The following PAIP1 variants were observed in gnomAD, a reference collection of about 807,000 sequenced individuals.
PAIP1 encodes polyadenylate-binding protein-interacting protein 1.
In PAIP1, 16 loss-of-function variants were observed where a neutral mutation model predicts 61.3. The observed-to-expected ratio is 0.26, with a 90% CI of 0.18 to 0.40. The LOEUF is 0.40. Among genes scored for constraint, PAIP1 ranks in the 10% least tolerant of loss-of-function variants. The pLI is 1.00. For missense variants in PAIP1, 416 were observed against 600.9 expected (o/e 0.69, Z 3.22); for synonymous variants, 187 against 226.2 (o/e 0.83, Z 1.56).
intron 5 of PAIP1, among the ~76,000 whole-genome samples, chr5:43,538,628 A>C (rs1044918348): frequency 2.0e-5 from 3 of 152,234 alleles, no homozygotes; most frequent in African/African-American, 7.2e-5. Flanking sequence ...AGAACTCAAA[A>C]AGGTATCACT....
rs1337667356 is a variant in PAIP1 at position 43,526,490 on chromosome 5, ATTAT to A, written c.*882_*885del. 5 of 151,910 alleles carry A rather than the reference ATTAT, an allele frequency of 3.3e-5. No homozygotes were observed. The highest frequency in any genetic ancestry group is 7.4e-5 in the Non-Finnish European group (5 of 67,898). 9.4% of individuals were successfully genotyped at this position (151,910 alleles called of 1,614,324 possible). A position where few individuals can be genotyped will look rare whatever the true frequency, so the allele number is the denominator to read the frequency against. On this transcript the variant is annotated 3_prime_UTR_variant, in exon 11 of 11. Coordinates refer to ENST00000306846, the MANE Select transcript of PAIP1 (RefSeq NM_006451.5). ...AAAAGATTTGACATTAGGTAAAAATATTATTTATTAGGGCTGAGGTGGTACCACA... is the reference window on the plus strand; with the variant it reads ...AAAAGATTTGACATTAGGTAAAAATATTATTAGGGCTGAGGTGGTACCACA...
rs1229687454 is a variant in PAIP1, at chr5:43,556,875, G to A, written c.-29C>T. On this transcript the variant is annotated 5_prime_UTR_variant, in exon 1 of 11. Transcript: ENST00000306846. Reference sequence around the variant, plus strand: ...CCTCCTCCTCCGCCTCCTCCTCCAGGGGCCGCTGCCGCTGCGCTCGCGATA... The same window carrying A: ...CCTCCTCCTCCGCCTCCTCCTCCAGAGGCCGCTGCCGCTGCGCTCGCGATA... The A allele has an allele frequency of 3.6e-6, 5 of 1,386,186 alleles. No individual in the cohort carries two copies. The highest frequency in any genetic ancestry group is 1.5e-5 in the African/African-American group (1 of 65,484). 85.9% of individuals were successfully genotyped at this position (1,386,186 alleles called of 1,614,324 possible). A position where few individuals can be genotyped will look rare whatever the true frequency, so the allele number is the denominator to read the frequency against.
At position 43,549,048 on chromosome 5, in the gene PAIP1, C is replaced by T. The variant is rs189270250; in HGVS notation, c.436-1135G>A. Among the ~76,000 whole-genome samples, 1,330 of 152,250 alleles carry T rather than the reference C, an allele frequency of 8.7e-3. 15 individuals are homozygous for T. The highest frequency in any genetic ancestry group is 0.03 in the African/African-American group (1,255 of 41,526). ...CTCCGCCTCCCGGGTTCAAGCTATT[C>T]CTGTACCTCAGCCTCTCAAGTAGCT... On this transcript the variant is annotated intron_variant, in intron 2 of 10. Coordinates refer to ENST00000306846, the MANE Select transcript of PAIP1 (RefSeq NM_006451.5).
intron 4 of PAIP1, among the ~76,000 whole-genome samples, chr5:43,540,978 C>T (rs535178705): frequency 6.6e-6 from 1 of 152,000 alleles, no homozygotes; most frequent in South Asian, 2.1e-4. Context: ...GGCGTCCTAC[C>T]GCCTACAAGT....
intron 1 of PAIP1, 87 bp from the exon 2 acceptor site, chr5:43,556,086 G>T (rs769616926): frequency 1.3e-6 from 2 of 1,492,000 alleles, no homozygotes; most frequent in Non-Finnish European, 9.0e-7. Context: ...TCTGAAAAGC[G>T]TCTGTTTTTA....
At chr5:43,529,406 T>C (rs970311961) in intron 10 of PAIP1, among the ~76,000 whole-genome samples, 1 of 151,978 alleles carries the variant, frequency 6.6e-6, no homozygotes, top group East Asian at 1.9e-4. Flanking sequence ...CAAATCAAAA[T>C]GCCTTTTTTT....
At chr5:43,540,921 G>C (rs1034590698) in intron 4 of PAIP1, among the ~76,000 whole-genome samples, 3 of 152,016 alleles carry the variant, frequency 2.0e-5, no homozygotes, top group African/African-American at 4.8e-5. Context: ...TAACTCTAAG[G>C]CACAGCCGGG....
chr5:43,529,975 C>T (rs943864386), intron 9 of PAIP1, 96 bp from the exon 10 acceptor site: 2 of 675,706 alleles, frequency 3.0e-6, no homozygotes, highest in Admixed American at 2.4e-5. Context: ...TGACTTTTGC[C>T]CCCCTGCATG....
rs745905117 is a variant in PAIP1 at position 43,555,925 on chromosome 5, C to T, written c.340G>A (p.Ala114Thr). 2 of 1,613,946 alleles carry T rather than the reference C, an allele frequency of 1.2e-6. No homozygotes were observed. Among genetic ancestry groups the T allele is most frequent in the Admixed American group, 1.7e-5 (1 of 60,002 alleles). The change falls in exon 2 of 11, where the codon GCT (alanine) becomes ACT (threonine). Residue 114 changes from alanine (A) to threonine (T), a missense_variant. This residue lies in a region of PAIP1 where 180 missense variants were observed against 211.2 expected (regional missense o/e 0.85). Coordinates refer to ENST00000306846, the MANE Select transcript of PAIP1 (RefSeq NM_006451.5). Reference sequence around the variant, plus strand: ...GGAGCTACAACCACCTGGGGCTTAGCCATTGCTGACTCCGAGTTCTGCTGT... The same window carrying T: ...GGAGCTACAACCACCTGGGGCTTAGTCATTGCTGACTCCGAGTTCTGCTGT... ...IPQQNSESAM[A>T]KPQVVVAPVL...
Position 43,534,974 on chromosome 5 carries a change from T to C in PAIP1, c.1080-4A>G, listed in dbSNP as rs1435425635. The C allele has an allele frequency of 1.3e-6, 2 of 1,520,454 alleles. No individual in the cohort carries two copies. The highest frequency in any genetic ancestry group is 1.7e-5 in the Admixed American group (1 of 59,764). The allele number at this position is 1,520,454 out of a possible 1,614,324, so 94.2% of individuals were successfully genotyped here. A position where few individuals can be genotyped will look rare whatever the true frequency, so the allele number is the denominator to read the frequency against. The stretch of plus-strand genomic sequence containing the variant: ...CAAGAGCATCTGTTTTACATCTCTG[T>C]AGACAAAGTTGAAAATGAGTTAGTG... On this transcript the variant is annotated splice_polypyrimidine_tract_variant and splice_region_variant and intron_variant, in intron 7 of 10. Transcript: ENST00000306846.
At chr5:43,531,484 T>A (rs1278911672) in intron 9 of PAIP1, among the ~76,000 whole-genome samples, 8 of 123,434 alleles carry the variant, frequency 6.5e-5, no homozygotes, top group African/African-American at 8.9e-5. Context: ...CCTGTCTCAA[T>A]AAAAAAAAAA....
chr5:43,539,326 A>G lies in PAIP1; in HGVS notation c.735-291T>C, dbSNP rs541726158. Among the ~76,000 whole-genome samples, 3 of 152,270 alleles carry G rather than the reference A, an allele frequency of 2.0e-5. No individual in the cohort carries two copies. The East Asian group carries it at 5.8e-4, about 29-fold the overall frequency. ...GTAATCTGATTCACAGCATACTGGCAGCCCAAAGAGGGGAGAGAGAGCCTC... is the reference window on the plus strand; with the variant it reads ...GTAATCTGATTCACAGCATACTGGCGGCCCAAAGAGGGGAGAGAGAGCCTC... On this transcript the variant is annotated intron_variant, in intron 4 of 10. Coordinates refer to ENST00000306846, the MANE Select transcript of PAIP1 (RefSeq NM_006451.5).
intron 9 of PAIP1, among the ~76,000 whole-genome samples, chr5:43,532,869 A>G (rs1746996948): frequency 6.6e-6 from 1 of 152,212 alleles, no homozygotes. Flanking sequence ...CTTCAATATC[A>G]CTTGTCAGGG....
intron 3 of PAIP1, among the ~76,000 whole-genome samples, chr5:43,544,046 G>A (rs1309837965): frequency 1.3e-5 from 2 of 151,372 alleles, no homozygotes; most frequent in East Asian, 1.9e-4. Context: ...TGGAGGCTGA[G>A]GTGGAAGGAT....
chr5:43,551,745 C>CTTT (rs10640960), intron 2 of PAIP1, among the ~76,000 whole-genome samples: 64,162 of 142,458 alleles, frequency 0.45, 15,011 homozygotes, highest in Middle Eastern at 0.59. Context: ...GATTTGCAAT[C>CTTT]TTTTTTTTTT....
chr5:43,533,897 C>T, intron 8 of PAIP1, 105 bp from the exon 9 acceptor site: 1 of 706,694 alleles, frequency 1.4e-6, no homozygotes, highest in Non-Finnish European at 2.6e-6. Context: ...CCTAATAATG[C>T]AAGAACAAGC....
In PAIP1 at chr5:43,527,527, C is replaced by A; in HGVS notation, c.1347-58G>T. The A allele has an allele frequency of 3.5e-6, 5 of 1,438,726 alleles. No homozygotes were observed. In the African/African-American group the frequency reaches 4.3e-5, roughly 12 times the overall value. The allele number at this position is 1,438,726 out of a possible 1,614,324, so 89.1% of individuals were successfully genotyped here. ...GTTTTTCAACTCAGAAAGTAAGATGCTAAATCATGAAAAAAATAATGTAAT... is the reference window on the plus strand; with the variant it reads ...GTTTTTCAACTCAGAAAGTAAGATGATAAATCATGAAAAAAATAATGTAAT... On this transcript the variant is annotated intron_variant, in intron 10 of 10. Coordinates refer to ENST00000306846, the MANE Select transcript of PAIP1 (RefSeq NM_006451.5).
chr5:43,542,891 A>G lies in PAIP1; in HGVS notation c.734+113T>C. 3 of 578,990 alleles carry G rather than the reference A, an allele frequency of 5.2e-6. No homozygotes were observed. The South Asian group carries it at 7.3e-5, about 14-fold the overall frequency. The allele number at this position is 578,990 out of a possible 1,614,324, so 35.9% of individuals were successfully genotyped here. ...ATAAACTTCAAATATAATGCACATA[A>G]GAATAGGCTGCCCTATTCTTTCCTG... is the stretch of plus-strand genomic sequence containing the variant. On this transcript the variant is annotated intron_variant, in intron 4 of 10. Coordinates refer to ENST00000306846, the MANE Select transcript of PAIP1 (RefSeq NM_006451.5).
At chr5:43,536,768 C>G in intron 6 of PAIP1, 51 bp downstream of exon 6, 1 of 985,368 alleles carries the variant, frequency 1.0e-6, no homozygotes. Context: ...TAACCTTCCT[C>G]TAAATCATAA....
Sources: gnomAD v4.1 joint callset for allele counts (sites outside exome capture counted in the v4.1 genomes callset) on GRCh38, gnomAD v4.1.1 for gene constraint, gnomAD v4.1.1 regional missense constraint, MANE v1.5 for transcripts, NCBI Gene and HGNC (gene_info 2026-07-23, HGNC 2026-07-21) for gene names.